Variants in TNNI3K observed in about 807,000 individuals in gnomAD.
TNNI3K encodes the protein TNNI3 interacting kinase.
A neutral mutation model predicts 114.5 loss-of-function variants in TNNI3K; 140 were observed. The observed-to-expected ratio is 1.22, with a 90% CI of 1.07 to 1.41. The LOEUF is 1.41. Ranked by LOEUF, TNNI3K falls within the 40% of genes most tolerant of loss-of-function variation. The pLI, the probability that TNNI3K is intolerant of heterozygous loss-of-function variation, is 0.00. For synonymous variants in TNNI3K, 347 were observed against 347.5 expected (o/e 1.00, Z 0.02); for missense variants, 1,125 against 1,007.6 (o/e 1.12, Z -1.58).
At chr1:74,526,106 G>T (rs1646501414) in intron 23 of TNNI3K, among the ~76,000 whole-genome samples, 1 of 152,324 alleles carries the variant, frequency 6.6e-6, no homozygotes, top group African/African-American at 2.4e-5. Context: ...ATTTCAAATG[G>T]TTTGTGAAGA....
chr1:74,353,187 C>G (rs1046403903), intron 9 of TNNI3K, 79 bp from the exon 10 acceptor site: 1 of 1,422,672 alleles, frequency 7.0e-7, no homozygotes, highest in Admixed American at 2.1e-5. Context: ...TATGATTTTT[C>G]GAGGTGTAGG....
chr1:74,528,256 G>A (rs572589227), intron 23 of TNNI3K, among the ~76,000 whole-genome samples: 7 of 152,308 alleles, frequency 4.6e-5, no homozygotes, highest in East Asian at 1.9e-4. Context: ...TGTACGTGTG[G>A]GCAGGCAGCC....
intron 23 of TNNI3K, among the ~76,000 whole-genome samples, chr1:74,535,982 T>G (rs572582179): frequency 6.6e-6 from 1 of 152,286 alleles, no homozygotes; most frequent in East Asian, 1.9e-4. Context: ...AAATCTAGAA[T>G]GATTTTCTTT....
intron 23 of TNNI3K, among the ~76,000 whole-genome samples, chr1:74,522,147 G>A (rs992179540): frequency 6.6e-6 from 1 of 152,102 alleles, no homozygotes; most frequent in African/African-American, 2.4e-5. Flanking sequence ...AGGCACTATT[G>A]GAAACTTAAT....
Position 74,354,070 on chromosome 1 carries a change from C to G in TNNI3K, c.1118C>G (p.Pro373Arg). The G allele has an allele frequency of 6.2e-7, 1 of 1,613,874 alleles. No individual in the cohort carries two copies. Among genetic ancestry groups the G allele is most frequent in the Non-Finnish European group, 8.5e-7 (1 of 1,179,988 alleles). The change falls in exon 11 of 25, where the codon CCC (proline) becomes CGC (arginine). Residue 373 changes from proline to arginine, a missense_variant. By Grantham distance (103) the Pro-to-Arg change is moderately radical. Coordinates refer to ENST00000326637, the MANE Select transcript of TNNI3K (RefSeq NM_015978.3). ...GATATGAATCTAGTGGCTTGTGATC[C>G]CAGCAGGTCTAGTGGTGAAAAAGAT... ...GADMNLVACD[P>R]SRSSGEKDEQ...
chr1:74,480,378 G>A (rs1467715786), intron 21 of TNNI3K: 3 of 717,562 alleles, frequency 4.2e-6, no homozygotes, highest in South Asian at 3.0e-5. Flanking sequence ...CTTAAAAACC[G>A]AGCAAGGGGA....
rs374909780 is a variant in TNNI3K, at chr1:74,354,047, T to C, written c.1095T>C (p.Asp365=). The C allele has an allele frequency of 6.2e-7, 1 of 1,614,010 alleles. No individual in the cohort carries two copies. Among genetic ancestry groups the C allele is most frequent in the African/African-American group, 1.3e-5 (1 of 74,922 alleles). ...LVQFLLDNGA[D]MNLVACDPSR... is the part of the protein sequence containing the mutation. ...AGTTCTTACTGGATAATGGAGCTGA[T>C]ATGAATCTAGTGGCTTGTGATCCCA... is the stretch of plus-strand genomic sequence containing the variant. Residue 365 remains aspartate (D), a synonymous_variant, in exon 11 of 25, where the codon GAT becomes GAC. Coordinates refer to ENST00000326637, the MANE Select transcript of TNNI3K (RefSeq NM_015978.3).
At chr1:74,506,240 C>T (rs188729289) in intron 23 of TNNI3K, among the ~76,000 whole-genome samples, 11 of 152,288 alleles carry the variant, frequency 7.2e-5, no homozygotes, top group East Asian at 1.9e-4. Context: ...ATGTTCTAGA[C>T]GCTATTGTGC....
chr1:74,239,919 A>G (rs1012820956), intron 2 of TNNI3K: 49 of 469,668 alleles, frequency 1.0e-4, no homozygotes, highest in African/African-American at 7.8e-4. Flanking sequence ...TTCTGCTATA[A>G]AGTTGCATTC....
chr1:74,520,151 C>T (rs1396942853), intron 23 of TNNI3K, among the ~76,000 whole-genome samples: 1 of 17,252 alleles, frequency 5.8e-5, no homozygotes, highest in African/African-American at 1.3e-4. Flanking sequence ...TCCCATACCC[C>T]CTTTCCACCC....
At position 74,249,439 on chromosome 1, in the gene TNNI3K, C is replaced by G; in HGVS notation, c.150-20C>G. 6.2e-7 allele frequency: 1 copy of G among 1,606,850 alleles called. No individual in the cohort carries two copies. The highest frequency in any genetic ancestry group is 2.2e-5 in the East Asian group (1 of 44,552). On this transcript the variant is annotated intron_variant, in intron 2 of 24. Transcript: ENST00000326637. ...GCTAAAAGATGAATTTTGTGATCAT[C>G]TGTAACATGTTTTTTTCAGCTCTGA...
At chr1:74,434,126 A>G (rs1250319274) in intron 17 of TNNI3K, among the ~76,000 whole-genome samples, 1 of 152,020 alleles carries the variant, frequency 6.6e-6, no homozygotes, top group Non-Finnish European at 1.5e-5. Context: ...ATTTCAGAGC[A>G]TTAAAATATA....
chr1:74,418,042 AT>A, intron 17 of TNNI3K: 1 of 315,724 alleles, frequency 3.2e-6, no homozygotes, highest in Non-Finnish European at 6.3e-6. Flanking sequence ...CTAGAATTTT[AT>A]TTCAATTAAA....
intron 23 of TNNI3K, among the ~76,000 whole-genome samples, chr1:74,527,627 G>A (rs990384855): frequency 1.3e-5 from 2 of 152,202 alleles, no homozygotes; most frequent in Non-Finnish European, 2.9e-5. Context: ...CAGGTCATGA[G>A]GGCTTTATCA....
intron 23 of TNNI3K, among the ~76,000 whole-genome samples, chr1:74,520,936 A>G (rs1292383147): frequency 6.6e-6 from 1 of 151,966 alleles, no homozygotes; most frequent in African/African-American, 2.4e-5. Context: ...GTGACATGGG[A>G]GCAGAGGTGA....
intron 21 of TNNI3K, among the ~76,000 whole-genome samples, chr1:74,478,924 T>C (rs967876901): frequency 6.6e-6 from 1 of 152,170 alleles, no homozygotes; most frequent in Non-Finnish European, 1.5e-5. Context: ...AAAGAATTTA[T>C]TTTCCTAACA....
chr1:74,516,087 G>A (rs1436303814), intron 23 of TNNI3K, among the ~76,000 whole-genome samples: 2 of 152,148 alleles, frequency 1.3e-5, no homozygotes, highest in Non-Finnish European at 2.9e-5. Flanking sequence ...TCTTTGAGTT[G>A]GAACTAGGCT....
Position 74,513,827 on chromosome 1 carries a change from A to AG in TNNI3K, c.2351+21563dup, listed in dbSNP as rs1646305050. On this transcript the variant is annotated intron_variant, in intron 23 of 24. Transcript: ENST00000326637. ...ATTATCCTGTCAAAGTTTCACAAAAAGGAGACCTGAAAGCATATTTTAGAT... is the reference window on the plus strand; with the variant it reads ...ATTATCCTGTCAAAGTTTCACAAAAAGGGAGACCTGAAAGCATATTTTAGAT... Among the ~76,000 whole-genome samples, 4 of 152,234 alleles carry AG rather than the reference A, an allele frequency of 2.6e-5. No individual in the cohort carries two copies. The South Asian group carries it at 8.3e-4, about 32-fold the overall frequency.
Position 74,492,159 on chromosome 1 carries a change from C to G in TNNI3K, c.2244C>G (p.Cys748Trp). 3 of 1,612,998 alleles carry G rather than the reference C, an allele frequency of 1.9e-6. No individual in the cohort carries two copies. The highest frequency in any genetic ancestry group is 2.5e-6 in the Non-Finnish European group (3 of 1,179,186). Residue 748 changes from cysteine (C) to tryptophan (W), a missense_variant, in exon 23 of 25, where the codon TGC (cysteine) becomes TGG (tryptophan). Physicochemically the swap from Cys to Trp is radical, Grantham distance 215 (BLOSUM62 -2). Transcript: ENST00000326637. ...GSLSPSSSSD[C>W]LVNRGGPGRS... ...TCTCACCTTCTTCTTCTTCTGATTGCCTGGTGAACCGGGGAGGACCTGGCC... is the reference window on the plus strand; with the variant it reads ...TCTCACCTTCTTCTTCTTCTGATTGGCTGGTGAACCGGGGAGGACCTGGCC...
Sources: gnomAD v4.1 joint callset for allele counts (sites outside exome capture counted in the v4.1 genomes callset) on GRCh38, gnomAD v4.1.1 for gene constraint, MANE v1.5 for transcripts, NCBI Gene and HGNC (gene_info 2026-07-23, HGNC 2026-07-21) for gene names.